GSE1: variants seen among roughly 807,000 people sequenced by gnomAD.
The protein encoded by GSE1 is Gse1 coiled-coil protein.
Under a neutral mutation model 112.6 loss-of-function variants are expected in GSE1, and 32 were observed. The observed-to-expected ratio is 0.28, with a 90% CI of 0.21 to 0.38. The LOEUF is 0.38. Among genes scored for constraint, GSE1 ranks in the 10% least tolerant of loss-of-function variants. The pLI is 1.00. For missense variants in GSE1, 2,348 were observed against 1,699.2 expected, an observed-to-expected ratio of 1.38 and a Z score of -6.71; for synonymous variants, 1,115 against 735.6, an observed-to-expected ratio of 1.52 and a Z score of -8.35.
At chr16:85,353,670 A>C (rs989585826) in intron 1 of GSE1, among the ~76,000 whole-genome samples, 1 of 152,238 alleles carries the variant, frequency 6.6e-6, no homozygotes, top group East Asian at 1.9e-4. Flanking sequence ...CTGTCTCTTA[A>C]TAAAAACATG....
intron 1 of GSE1, among the ~76,000 whole-genome samples, chr16:85,585,115 C>T (rs548679513): frequency 6.6e-6 from 1 of 152,376 alleles, no homozygotes; most frequent in South Asian, 2.1e-4. Flanking sequence ...GCGTGATCAG[C>T]TGCTGAGCCG....
intron 1 of GSE1, among the ~76,000 whole-genome samples, chr16:85,351,093 C>T (rs140588725): frequency 1.3e-3 from 204 of 152,332 alleles, no homozygotes; most frequent in African/African-American, 4.7e-3. Context: ...AGGGGTGAAT[C>T]ACTCTGCTAA....
chr16:85,221,957 C>T (rs973221969), intron 1 of GSE1, among the ~76,000 whole-genome samples: 2 of 152,044 alleles, frequency 1.3e-5, no homozygotes, highest in Non-Finnish European at 2.9e-5. Flanking sequence ...CCCACAGGGT[C>T]ACCGGTGACC....
intron 1 of GSE1, among the ~76,000 whole-genome samples, chr16:85,342,490 C>T (rs1012662674): frequency 1.3e-5 from 2 of 152,142 alleles, no homozygotes; most frequent in South Asian, 2.1e-4. Flanking sequence ...CGGTGGCCCA[C>T]GCTTGAGCTG....
At chr16:85,390,655 G>A (rs1020326791) in intron 2 of GSE1, among the ~76,000 whole-genome samples, 34 of 151,886 alleles carry the variant, frequency 2.2e-4, no homozygotes, top group African/African-American at 8.0e-4. Flanking sequence ...GAGCTTGGAC[G>A]CTAGTGTTCC....
At chr16:85,273,400 A>C (rs1005678565) in intron 1 of GSE1, among the ~76,000 whole-genome samples, 6 of 152,190 alleles carry the variant, frequency 3.9e-5, no homozygotes, top group African/African-American at 1.4e-4. Context: ...AGGTGGAAAC[A>C]CCTCATGTGT....
chr16:85,666,156 C>G lies in GSE1; in HGVS notation c.2939C>G (p.Pro980Arg), dbSNP rs769010100. ...GAGAAGGCCAGGCTGAGCGAGGCCC[C>G]TGGAGGCAAAAAGAGTCTGAGCATG... ...SGEKARLSEA[P>R]GGKKSLSMLH... Residue 980 changes from proline (P) to arginine (R), a missense_variant, in exon 13 of 16, where the codon CCT becomes CGT. Transcript: ENST00000253458. 6.2e-7 allele frequency: 1 copy of G among 1,613,294 alleles called. No individual in the cohort carries two copies. The highest frequency in any genetic ancestry group is 1.3e-5 in the African/African-American group (1 of 74,930).
At chr16:85,475,964 T>C (rs2050441021) in intron 2 of GSE1, among the ~76,000 whole-genome samples, 1 of 152,026 alleles carries the variant, frequency 6.6e-6, no homozygotes, top group Admixed American at 6.6e-5. Context: ...ATGGTCTCTC[T>C]CTGTCACCCG....
At chr16:85,488,706 G>T (rs149560164) in intron 2 of GSE1, among the ~76,000 whole-genome samples, 1 of 152,168 alleles carries the variant, frequency 6.6e-6, no homozygotes, top group African/African-American at 2.4e-5. Context: ...GAGTTGTGAG[G>T]TGGAGAGCAG....
intron 1 of GSE1, among the ~76,000 whole-genome samples, chr16:85,620,110 A>C (rs894239751): frequency 2.6e-5 from 4 of 152,144 alleles, no homozygotes; most frequent in African/African-American, 9.7e-5. Flanking sequence ...TCCTCTCTAC[A>C]AAAAATAAAA....
chr16:85,362,118 C>T (rs1361480089), intron 2 of GSE1, among the ~76,000 whole-genome samples: 2 of 152,196 alleles, frequency 1.3e-5, no homozygotes, highest in East Asian at 3.9e-4. Context: ...AACCCTGGGG[C>T]TGGGATTCCT....
chr16:85,428,998 A>G (rs2049056050), intron 2 of GSE1, among the ~76,000 whole-genome samples: 1 of 152,210 alleles, frequency 6.6e-6, no homozygotes, highest in South Asian at 2.1e-4. Flanking sequence ...TCTCAGCTTC[A>G]TAACACAGCA....
At chr16:85,266,799 C>G (rs1268461725) in intron 1 of GSE1, among the ~76,000 whole-genome samples, 1 of 152,046 alleles carries the variant, frequency 6.6e-6, no homozygotes, top group Non-Finnish European at 1.5e-5. Flanking sequence ...AGGTACTGAT[C>G]TTATGTGACC....
At chr16:85,344,219 CA>C (rs1474936552) in intron 1 of GSE1, among the ~76,000 whole-genome samples, 7 of 152,152 alleles carry the variant, frequency 4.6e-5, no homozygotes, top group African/African-American at 1.7e-4. Flanking sequence ...GGATAGTGCC[CA>C]GGGGAAAGGG....
At chr16:85,608,701 G>A (rs1336370999), upstream of GSE1, among the ~76,000 whole-genome samples, 2 of 152,206 alleles carry the variant, frequency 1.3e-5, no homozygotes, top group Non-Finnish European at 2.9e-5. Context: ...GTGTAATGGA[G>A]GTCACTGCCT....
At chr16:85,601,339 C>T (rs1293233335) in intron 1 of GSE1, among the ~76,000 whole-genome samples, 2 of 152,006 alleles carry the variant, frequency 1.3e-5, no homozygotes, top group African/African-American at 2.4e-5. Context: ...TGGGTGTCTG[C>T]CAGGCCCACG....
At chr16:85,203,781 A>G (rs1453846878) in intron 1 of GSE1, among the ~76,000 whole-genome samples, 1 of 152,204 alleles carries the variant, frequency 6.6e-6, no homozygotes, top group Non-Finnish European at 1.5e-5. Flanking sequence ...TCTGTCGCCC[A>G]GGCTGGTGTG....
chr16:85,399,854 A>G (rs1181155609), intron 2 of GSE1, among the ~76,000 whole-genome samples: 1 of 152,238 alleles, frequency 6.6e-6, no homozygotes, highest in Non-Finnish European at 1.5e-5. Flanking sequence ...TGCGGTTATC[A>G]TGATTAATAT....
At chr16:85,666,568 C>T in intron 13 of GSE1, 1 of 583,064 alleles carries the variant, frequency 1.7e-6, no homozygotes, top group Non-Finnish European at 3.0e-6. Flanking sequence ...TTGTAGGCAC[C>T]AGCGCTGACG....
Sources: gnomAD v4.1 joint callset for allele counts (sites outside exome capture counted in the v4.1 genomes callset) on GRCh38, gnomAD v4.1.1 for gene constraint, MANE v1.5 for transcripts, NCBI Gene and HGNC (gene_info 2026-07-23, HGNC 2026-07-21) for gene names.